Variants in TBC1D32 observed in about 807,000 individuals in gnomAD.
The protein encoded by TBC1D32 is TBC1 domain family member 32.
Under a neutral mutation model 170.3 loss-of-function variants are expected in TBC1D32, and 151 were observed. The observed-to-expected ratio is 0.89, with a 90% CI of 0.78 to 1.01. TBC1D32 has a LOEUF of 1.01. Among genes scored for constraint, TBC1D32 ranks in the 50% least tolerant of loss-of-function variants. The pLI is 0.00. For missense variants in TBC1D32, 1,464 were observed against 1,457.1 expected (o/e 1.00, Z -0.08); for synonymous variants, 498 against 488.0 (o/e 1.02, Z -0.27).
intron 19 of TBC1D32, among the ~76,000 whole-genome samples, chr6:121,239,774 A>C: frequency 6.6e-6 from 1 of 152,212 alleles, no homozygotes; most frequent in East Asian, 1.9e-4. Flanking sequence ...AAATGAATAT[A>C]AAACCTGATT....
At chr6:121,234,096 T>C (rs993114746) in intron 20 of TBC1D32, among the ~76,000 whole-genome samples, 1 of 152,172 alleles carries the variant, frequency 6.6e-6, no homozygotes, top group Non-Finnish European at 1.5e-5. Context: ...ATCTGATAGG[T>C]TTTCCTTTAT....
chr6:121,221,643 G>C lies in TBC1D32; in HGVS notation c.2481+1593C>G, dbSNP rs563789339. Among the ~76,000 whole-genome samples the C allele has an allele frequency of 3.9e-5, 6 of 152,308 alleles. No homozygotes were observed. In the South Asian group the frequency reaches 1.2e-3, roughly 32 times the overall value. On this transcript the variant is annotated intron_variant, in intron 21 of 31. Coordinates refer to ENST00000398212, the MANE Select transcript of TBC1D32 (RefSeq NM_152730.6). ...TGACTTAAAGAAGTTCAGTACTTCA[G>C]TAGAACAAGTAACTACAGACATGGT...
intron 23 of TBC1D32, 101 bp downstream of exon 23, chr6:121,160,847 T>C (rs149573278): frequency 2.5e-5 from 21 of 825,572 alleles, no homozygotes; most frequent in East Asian, 2.2e-4. Context: ...CTCTGTGATG[T>C]AGACATTTAA....
chr6:121,096,975 G>C (rs184986584), intron 30 of TBC1D32, among the ~76,000 whole-genome samples: 1 of 152,216 alleles, frequency 6.6e-6, no homozygotes, highest in East Asian at 1.9e-4. Context: ...AAATGGTGCT[G>C]GGAAAACTGG....
intron 21 of TBC1D32, among the ~76,000 whole-genome samples, chr6:121,218,783 T>C (rs1199259132): frequency 6.6e-6 from 1 of 152,170 alleles, no homozygotes; most frequent in Non-Finnish European, 1.5e-5. Flanking sequence ...TGGGGGCAGT[T>C]ACCCCCATGC....
intron 1 of TBC1D32, among the ~76,000 whole-genome samples, chr6:121,333,882 C>T (rs1349473553): frequency 6.6e-6 from 1 of 151,988 alleles, no homozygotes; most frequent in Non-Finnish European, 1.5e-5. Flanking sequence ...ACCTAGCCCA[C>T]ATGGTGAAAC....
intron 22 of TBC1D32, chr6:121,192,302 T>G (rs1209220722): frequency 6.6e-6 from 1 of 151,968 alleles, no homozygotes; most frequent in Admixed American, 6.6e-5. Flanking sequence ...GAGAGTTACA[T>G]AAAATAAATA....
chr6:121,130,525 G>A (rs1348479016), intron 25 of TBC1D32, among the ~76,000 whole-genome samples: 1 of 152,012 alleles, frequency 6.6e-6, no homozygotes, highest in Non-Finnish European at 1.5e-5. Context: ...CAGAATTGTG[G>A]AAAGTGCCCT....
intron 17 of TBC1D32, among the ~76,000 whole-genome samples, chr6:121,254,792 T>C (rs1365824151): frequency 6.6e-6 from 1 of 152,062 alleles, no homozygotes; most frequent in Admixed American, 6.5e-5. Context: ...TTGCCCGAGT[T>C]TAGTTCAAAA....
intron 17 of TBC1D32, among the ~76,000 whole-genome samples, chr6:121,249,797 A>G (rs181122291): frequency 2.0e-5 from 3 of 152,084 alleles, no homozygotes; most frequent in Admixed American, 6.6e-5. Flanking sequence ...ATCTCTACAA[A>G]AAAAAACTAC....
intron 21 of TBC1D32, among the ~76,000 whole-genome samples, chr6:121,220,486 A>C (rs944218996): frequency 6.6e-6 from 1 of 152,152 alleles, no homozygotes; most frequent in Non-Finnish European, 1.5e-5. Context: ...GTTTGAAATT[A>C]ACAGGTTGGT....
intron 22 of TBC1D32, among the ~76,000 whole-genome samples, chr6:121,186,286 A>G (rs1789200411): frequency 6.6e-6 from 1 of 152,066 alleles, no homozygotes; most frequent in Non-Finnish European, 1.5e-5. Context: ...AGGCAGAGGT[A>G]AATAAAGCCT....
intron 1 of TBC1D32, among the ~76,000 whole-genome samples, chr6:121,331,410 G>T (rs1413363272): frequency 6.6e-6 from 1 of 151,314 alleles, no homozygotes; most frequent in Non-Finnish European, 1.5e-5. Flanking sequence ...AGTAGAGACA[G>T]GGTTTCACCA....
intron 30 of TBC1D32, among the ~76,000 whole-genome samples, chr6:121,097,724 C>T (rs939397158): frequency 6.6e-6 from 1 of 152,122 alleles, no homozygotes; most frequent in African/African-American, 2.4e-5. Context: ...AATCATGCTG[C>T]TATAAAGACA....
At chr6:121,129,640 C>G (rs1403260706) in intron 25 of TBC1D32, among the ~76,000 whole-genome samples, 2 of 151,996 alleles carry the variant, frequency 1.3e-5, no homozygotes, top group Non-Finnish European at 2.9e-5. Context: ...AGATAATTGT[C>G]CAGTTGCTAA....
At chr6:121,287,860 G>A (rs11154013) in intron 12 of TBC1D32, among the ~76,000 whole-genome samples, 104,177 of 152,066 alleles carry the variant, frequency 0.69, 40,805 homozygotes, top group Non-Finnish European at 0.87. Context: ...ACTCAAAACC[G>A]CTCATCTATA....
Position 121,316,951 on chromosome 6 carries a change from T to C in TBC1D32, c.495+544A>G, listed in dbSNP as rs185757689. On this transcript the variant is annotated intron_variant, in intron 3 of 31. Transcript: ENST00000398212. ...TCTAGCTAGTTTTCCTTGTCTTCTATTAGGGCCAATCCAGCCACTGGCCCA... is the reference window on the plus strand; with the variant it reads ...TCTAGCTAGTTTTCCTTGTCTTCTACTAGGGCCAATCCAGCCACTGGCCCA... Among the ~76,000 whole-genome samples the C allele has an allele frequency of 1.7e-4, 26 of 152,288 alleles. 2 individuals carry two copies. The East Asian group carries it at 4.8e-3, about 28-fold the overall frequency.
intron 29 of TBC1D32, among the ~76,000 whole-genome samples, chr6:121,107,992 T>G (rs1045280957): frequency 4.6e-5 from 7 of 152,108 alleles, no homozygotes; most frequent in African/African-American, 1.7e-4. Context: ...TTGCCATACT[T>G]TGTGGTAACA....
chr6:121,160,496 G>A (rs1240390091), intron 23 of TBC1D32, among the ~76,000 whole-genome samples: 1 of 145,120 alleles, frequency 6.9e-6, no homozygotes, highest in Non-Finnish European at 1.5e-5. Flanking sequence ...GACAGTCAAA[G>A]CAAGAAGGTT....
Sources: gnomAD v4.1 joint callset for allele counts (sites outside exome capture counted in the v4.1 genomes callset) on GRCh38, gnomAD v4.1.1 for gene constraint, MANE v1.5 for transcripts, NCBI Gene and HGNC (gene_info 2026-07-23, HGNC 2026-07-21) for gene names.